ADGRV1: variants seen among roughly 807,000 people sequenced by gnomAD.
ADGRV1 encodes adhesion G protein-coupled receptor V1, also known as G-protein coupled receptor 98.
Under a neutral mutation model 596.2 loss-of-function variants are expected in ADGRV1, and 359 were observed. The observed-to-expected ratio is 0.60, with a 90% CI of 0.55 to 0.66. The LOEUF is 0.66. Ranked by LOEUF, ADGRV1 falls within the 30% of genes least tolerant of loss-of-function variation. ADGRV1 has a pLI of 0.00. For synonymous variants in ADGRV1, 2,681 were observed against 2,679.2 expected, an observed-to-expected ratio of 1.00 and a Z score of -0.02; for missense variants, 7,274 against 7,575.6, an observed-to-expected ratio of 0.96 and a Z score of 1.48.
chr5:91,083,524 G>A (rs1191929472), intron 86 of ADGRV1, among the ~76,000 whole-genome samples: 2 of 151,872 alleles, frequency 1.3e-5, no homozygotes, highest in Non-Finnish European at 2.9e-5. Context: ...TTTGTTTTTT[G>A]TTTTTTGTTT....
At chr5:90,881,713 C>G (rs1239952565) in intron 83 of ADGRV1, among the ~76,000 whole-genome samples, 2 of 151,802 alleles carry the variant, frequency 1.3e-5, no homozygotes, top group Non-Finnish European at 2.9e-5. Flanking sequence ...GAAGAGACAT[C>G]AAGTATGCAA....
chr5:91,164,186 A>G lies in ADGRV1; in HGVS notation c.*286A>G. The G allele has an allele frequency of 2.3e-6, 1 of 434,764 alleles. No homozygotes were observed. Among genetic ancestry groups the G allele is most frequent in the Non-Finnish European group, 4.3e-6 (1 of 231,986 alleles). 26.9% of individuals were successfully genotyped at this position (434,764 alleles called of 1,614,324 possible). On this transcript the variant is annotated 3_prime_UTR_variant, in exon 90 of 90. Transcript: ENST00000405460. Reference sequence around the variant, plus strand: ...CCTATATGGCTAACATTGTTTAATGAAAGTAATAATCAATAAAGCAATAGA... The same window carrying G: ...CCTATATGGCTAACATTGTTTAATGGAAGTAATAATCAATAAAGCAATAGA...
intron 87 of ADGRV1, among the ~76,000 whole-genome samples, chr5:91,142,657 G>A (rs1795192354): frequency 6.6e-6 from 1 of 152,114 alleles, no homozygotes; most frequent in Non-Finnish European, 1.5e-5. Flanking sequence ...TATCTCATAC[G>A]GAACTGATAA....
intron 3 of ADGRV1, among the ~76,000 whole-genome samples, chr5:90,618,873 A>G (rs1763695930): frequency 6.6e-6 from 1 of 151,922 alleles, no homozygotes; most frequent in Non-Finnish European, 1.5e-5. Flanking sequence ...GTCAGTGACT[A>G]ATGGTTTTCA....
chr5:90,978,272 G>A (rs1038176194), intron 84 of ADGRV1, among the ~76,000 whole-genome samples: 2 of 150,772 alleles, frequency 1.3e-5, no homozygotes, highest in Non-Finnish European at 2.9e-5. Context: ...TCCAGACTGG[G>A]GGACAGAGCG....
At chr5:90,598,136 A>T (rs1760941654) in intron 1 of ADGRV1, among the ~76,000 whole-genome samples, 1 of 152,198 alleles carries the variant, frequency 6.6e-6, no homozygotes, top group Non-Finnish European at 1.5e-5. Flanking sequence ...TTAGGAAAAA[A>T]CTCACTGGAG....
At chr5:90,735,160 G>C (rs567410322) in intron 50 of ADGRV1, among the ~76,000 whole-genome samples, 1 of 152,130 alleles carries the variant, frequency 6.6e-6, no homozygotes, top group Non-Finnish European at 1.5e-5. Flanking sequence ...ATAACTTAAG[G>C]TCTTTAATTT....
At chr5:91,070,152 A>G (rs943141929) in intron 85 of ADGRV1, among the ~76,000 whole-genome samples, 10 of 152,138 alleles carry the variant, frequency 6.6e-5, no homozygotes, top group African/African-American at 2.4e-4. Context: ...TAACTTGGAT[A>G]TTTTGTTCAC....
rs367771040 is a variant in ADGRV1, at chr5:91,072,643, C to A, written c.18310+39C>A. On this transcript the variant is annotated intron_variant, in intron 86 of 89. Transcript: ENST00000405460. ...TATATTTGTACTTTGGAGATGGAAACGCTTTAATGGTGGGAAAATGTCACT... is the reference window on the plus strand; with the variant it reads ...TATATTTGTACTTTGGAGATGGAAAAGCTTTAATGGTGGGAAAATGTCACT... 7.6e-6 allele frequency: 12 copies of A among 1,582,684 alleles called. No individual in the cohort carries two copies. The South Asian group carries it at 1.4e-4, about 18-fold the overall frequency.
At chr5:91,118,901 G>T (rs1562242808) in intron 87 of ADGRV1, among the ~76,000 whole-genome samples, 1 of 151,914 alleles carries the variant, frequency 6.6e-6, no homozygotes, top group Non-Finnish European at 1.5e-5. Flanking sequence ...TTCTTTTCCT[G>T]TCTCCATCTC....
At chr5:90,953,013 G>T (rs1777176417) in intron 83 of ADGRV1, among the ~76,000 whole-genome samples, 1 of 152,242 alleles carries the variant, frequency 6.6e-6, no homozygotes, top group South Asian at 2.1e-4. Flanking sequence ...TTACTCACCA[G>T]TGAGGTTCAT....
chr5:90,759,135 CTG>C (rs938490745), intron 57 of ADGRV1, among the ~76,000 whole-genome samples: 21 of 152,088 alleles, frequency 1.4e-4, no homozygotes, highest in African/African-American at 4.3e-4. Context: ...AAATAATAGA[CTG>C]TAAATTTCTG....
chr5:90,690,155 T>C, intron 30 of ADGRV1, 79 bp downstream of exon 30: 1 of 793,376 alleles, frequency 1.3e-6, no homozygotes, highest in Non-Finnish European at 2.0e-6. Context: ...TTTTGGAGAC[T>C]CAGAATTGAT....
chr5:90,978,244 G>A (rs1779786610), intron 84 of ADGRV1, among the ~76,000 whole-genome samples: 1 of 151,982 alleles, frequency 6.6e-6, no homozygotes, highest in African/African-American at 2.4e-5. Flanking sequence ...GCAGTGAGCC[G>A]AGATCGCGCC....
chr5:90,648,263 C>G (rs991207660), intron 17 of ADGRV1, among the ~76,000 whole-genome samples: 3 of 152,202 alleles, frequency 2.0e-5, no homozygotes, highest in African/African-American at 7.2e-5. Context: ...TGTGTTCGTC[C>G]TTCTCCATAC....
At position 90,828,959 on chromosome 5, in the gene ADGRV1, G is replaced by A; in HGVS notation, c.16384G>A (p.Val5462Met). 1.9e-6 allele frequency: 3 copies of A among 1,578,514 alleles called. No homozygotes were observed. Among genetic ancestry groups the A allele is most frequent in the African/African-American group, 1.3e-5 (1 of 74,522 alleles). ...LKPEKVPQVE[V>M]YFFVELYEAT... ...TCATTGTCAGGTACCACAGGTTGAA[G>A]TGTATTTTTTTGTGGAACTATATGA... The change falls in exon 77 of 90, where the codon GTG (valine) becomes ATG (methionine). Residue 5462 changes from valine to methionine, a missense_variant. Coordinates refer to ENST00000405460, the MANE Select transcript of ADGRV1 (RefSeq NM_032119.4).
rs759066795 is a variant in ADGRV1 at position 90,679,582 on chromosome 5, G to T, written c.5477G>T (p.Ser1826Ile). 6.2e-7 allele frequency: 1 copy of T among 1,613,700 alleles called. No homozygotes were observed. The highest frequency in any genetic ancestry group is 8.5e-7 in the Non-Finnish European group (1 of 1,179,730). The change falls in exon 26 of 90, where the codon AGT (serine) becomes ATT (isoleucine). Residue 1826 changes from serine (S) to isoleucine (I), a missense_variant. Physicochemically the swap from Ser to Ile is moderately radical, Grantham distance 142. Coordinates refer to ENST00000405460, the MANE Select transcript of ADGRV1 (RefSeq NM_032119.4). ...AELFRVDGSG[S>I]GDGDMEFFLP... Reference sequence around the variant, plus strand: ...CTCTTTAGGGTTGATGGAAGTGGTAGTGGTGATGGGGACATGGAATTCTTC... The same window carrying T: ...CTCTTTAGGGTTGATGGAAGTGGTATTGGTGATGGGGACATGGAATTCTTC...
intron 74 of ADGRV1, among the ~76,000 whole-genome samples, chr5:90,813,737 C>A (rs1258029146): frequency 1.3e-5 from 2 of 152,174 alleles, no homozygotes; most frequent in African/African-American, 2.4e-5. Flanking sequence ...CTCATCTTTT[C>A]CCTACCTGAC....
At chr5:90,796,040 G>A (rs185297582) in intron 70 of ADGRV1, among the ~76,000 whole-genome samples, 113 of 152,304 alleles carry the variant, frequency 7.4e-4, no homozygotes, top group African/African-American at 2.7e-3. Context: ...CAAAAATGCT[G>A]AAAATTCCAA....
Sources: allele counts gnomAD v4.1 joint callset (sites outside exome capture counted in the v4.1 genomes callset), GRCh38; gene constraint gnomAD v4.1.1; transcripts MANE v1.5; gene names NCBI Gene and HGNC (gene_info 2026-07-23, HGNC 2026-07-21).